Variants in CACNA2D3 observed in about 807,000 individuals in gnomAD.
CACNA2D3 encodes calcium voltage-gated channel auxiliary subunit alpha2delta 3.
In CACNA2D3, 60 loss-of-function variants were observed where a neutral mutation model predicts 160.6. The ratio of observed to expected loss-of-function variants is 0.37; its 90% CI spans 0.30 to 0.46. The LOEUF (loss-of-function observed/expected upper bound fraction) is 0.46, where lower values mean the gene tolerates loss of function less well. CACNA2D3 is among the 20% of genes least tolerant of loss of function. The pLI is 1.00. For missense variants in CACNA2D3, 1,205 were observed against 1,365.0 expected, an observed-to-expected ratio of 0.88 and a Z score of 1.85; for synonymous variants, 558 against 492.9, an observed-to-expected ratio of 1.13 and a Z score of -1.75.
At chr3:55,005,776 C>A (rs908548400) in intron 32 of CACNA2D3, among the ~76,000 whole-genome samples, 16 of 152,204 alleles carry the variant, frequency 1.1e-4, no homozygotes, top group African/African-American at 2.4e-4. Context: ...AGAAAAAAAA[C>A]CAGACATAGT....
intron 15 of CACNA2D3, 81 bp from the exon 16 acceptor site, chr3:54,838,487 G>A (rs780299212): frequency 5.7e-5 from 62 of 1,092,198 alleles, no homozygotes; most frequent in Non-Finnish European, 7.9e-5. Flanking sequence ...CCAGGCAGAC[G>A]GTATGTGACT....
At chr3:55,052,392 TA>T (rs1704248199) in intron 35 of CACNA2D3, among the ~76,000 whole-genome samples, 1 of 151,784 alleles carries the variant, frequency 6.6e-6, no homozygotes, top group Non-Finnish European at 1.5e-5. Flanking sequence ...AACATATATA[TA>T]CATATATTCT....
At chr3:54,411,747 C>G (rs1699671577) in intron 4 of CACNA2D3, among the ~76,000 whole-genome samples, 1 of 152,122 alleles carries the variant, frequency 6.6e-6, no homozygotes, top group Non-Finnish European at 1.5e-5. Context: ...CCCATATTCA[C>G]TGAATACCTG....
At chr3:54,678,720 C>CGAAAAA (rs1700287184) in intron 11 of CACNA2D3, among the ~76,000 whole-genome samples, 1 of 45,902 alleles carries the variant, frequency 2.2e-5, no homozygotes, top group Non-Finnish European at 3.5e-5. Context: ...GACTCGGTCT[C>CGAAAAA]AAAAAAAAAA....
chr3:54,554,115 G>T (rs748816079), intron 5 of CACNA2D3, among the ~76,000 whole-genome samples: 1 of 152,124 alleles, frequency 6.6e-6, no homozygotes. Flanking sequence ...TCTTGCTAGC[G>T]TAGGCATTTG....
chr3:54,275,495 T>C (rs1222368560), intron 2 of CACNA2D3, among the ~76,000 whole-genome samples: 2 of 152,236 alleles, frequency 1.3e-5, no homozygotes, highest in Non-Finnish European at 2.9e-5. Context: ...GATATAATAA[T>C]ATATGTGCTT....
intron 2 of CACNA2D3, among the ~76,000 whole-genome samples, chr3:54,226,581 G>T (rs1701677762): frequency 6.6e-6 from 1 of 152,088 alleles, no homozygotes; most frequent in African/African-American, 2.4e-5. Context: ...GGGATTACAG[G>T]CATGAGCCAC....
At chr3:54,382,248 C>G (rs1575425130) in intron 3 of CACNA2D3, among the ~76,000 whole-genome samples, 1 of 152,148 alleles carries the variant, frequency 6.6e-6, no homozygotes. Context: ...AACAGTTTTC[C>G]CCAGGCTCAG....
chr3:54,331,160 C>A (rs910978471), intron 3 of CACNA2D3, among the ~76,000 whole-genome samples: 2 of 152,020 alleles, frequency 1.3e-5, no homozygotes, highest in African/African-American at 4.8e-5. Context: ...TTTACTTGGT[C>A]TGTGTGGGCT....
At chr3:54,781,761 A>G (rs941132665) in intron 13 of CACNA2D3, among the ~76,000 whole-genome samples, 3 of 152,252 alleles carry the variant, frequency 2.0e-5, no homozygotes, top group Admixed American at 6.5e-5. Context: ...GCAAGTATGC[A>G]CAAAAGCCAA....
chr3:54,369,491 C>T (rs1698886096), intron 3 of CACNA2D3, among the ~76,000 whole-genome samples: 1 of 152,172 alleles, frequency 6.6e-6, no homozygotes, highest in African/African-American at 2.4e-5. Flanking sequence ...AGCTGCTGTC[C>T]CCACTGGACC....
chr3:54,160,249 G>A (rs4928002), intron 2 of CACNA2D3, among the ~76,000 whole-genome samples: 77,978 of 152,110 alleles, frequency 0.51, 20,414 homozygotes, highest in African/African-American at 0.62. Flanking sequence ...CTGTAATCCC[G>A]GCACTTTGGG....
chr3:54,438,984 A>G (rs1281115780), intron 4 of CACNA2D3, among the ~76,000 whole-genome samples: 1 of 152,240 alleles, frequency 6.6e-6, no homozygotes, highest in Non-Finnish European at 1.5e-5. Flanking sequence ...GTGGGAATAC[A>G]AGTGCCCAAT....
chr3:55,069,098 G>A (rs956545909), intron 35 of CACNA2D3, among the ~76,000 whole-genome samples: 7 of 151,952 alleles, frequency 4.6e-5, no homozygotes, highest in African/African-American at 1.5e-4. Flanking sequence ...GATTGAACCC[G>A]CTTTTACCTA....
At chr3:54,348,809 A>G (rs913829477) in intron 3 of CACNA2D3, among the ~76,000 whole-genome samples, 7 of 151,938 alleles carry the variant, frequency 4.6e-5, no homozygotes, top group African/African-American at 7.3e-5. Context: ...ACTCACTGCA[A>G]CCTCCACCTC....
chr3:54,804,578 T>G (rs1310580014), intron 13 of CACNA2D3, among the ~76,000 whole-genome samples: 1 of 152,152 alleles, frequency 6.6e-6, no homozygotes, highest in African/African-American at 2.4e-5. Context: ...ACAAAGAGAC[T>G]TAGACTCCCA....
At chr3:54,293,494 T>A (rs1480989561) in intron 2 of CACNA2D3, among the ~76,000 whole-genome samples, 5 of 152,074 alleles carry the variant, frequency 3.3e-5, no homozygotes, top group Non-Finnish European at 7.3e-5. Context: ...AGAATAATGA[T>A]CTCCAGTTCC....
intron 5 of CACNA2D3, among the ~76,000 whole-genome samples, chr3:54,518,947 A>C (rs1175037620): frequency 2.3e-5 from 1 of 42,634 alleles, no homozygotes; most frequent in Non-Finnish European, 4.5e-5. Flanking sequence ...CCCTTGAGAA[A>C]TTGAGGGGGG....
intron 11 of CACNA2D3, among the ~76,000 whole-genome samples, chr3:54,650,031 A>G (rs1699729455): frequency 6.6e-6 from 1 of 152,132 alleles, no homozygotes; most frequent in Non-Finnish European, 1.5e-5. Context: ...GTTAGATGTC[A>G]CTGCATGAAC....
Sources: gnomAD v4.1 joint callset for allele counts (sites outside exome capture counted in the v4.1 genomes callset) on GRCh38, gnomAD v4.1.1 for gene constraint, MANE v1.5 for transcripts, NCBI Gene and HGNC (gene_info 2026-07-23, HGNC 2026-07-21) for gene names.